DYNLRB2: variants seen among roughly 807,000 people sequenced by gnomAD.
DYNLRB2 encodes bithoraxoid-like protein.
Under a neutral mutation model 12.6 loss-of-function variants are expected in DYNLRB2, and 14 were observed. The ratio of observed to expected loss-of-function variants is 1.11; its 90% CI spans 0.73 to 1.73. The LOEUF is 1.73. DYNLRB2 is among the 40% of genes most tolerant of loss of function. The probability of loss-of-function intolerance (pLI) is 0.00; values close to 1 mark genes in which losing one functional copy is unlikely to be tolerated. For synonymous variants in DYNLRB2, 53 were observed against 37.0 expected (o/e 1.43, Z -1.57); for missense variants, 142 against 117.7 (o/e 1.21, Z -0.95).
chr16:80,542,198 A>G (rs1184608775), intron 1 of DYNLRB2, among the ~76,000 whole-genome samples: 1 of 152,208 alleles, frequency 6.6e-6, no homozygotes, highest in Non-Finnish European at 1.5e-5. Context: ...TTTATGAGGA[A>G]TAACGTCAGG....
intron 1 of DYNLRB2, among the ~76,000 whole-genome samples, chr16:80,542,519 C>G (rs1381516425): frequency 6.6e-6 from 1 of 152,156 alleles, no homozygotes; most frequent in Non-Finnish European, 1.5e-5. Context: ...TTGCAGAATT[C>G]AAAATATCCA....
rs11310998 is a variant in DYNLRB2 at position 80,550,561 on chromosome 16, CT to C, written c.*4del. On this transcript the variant is annotated 3_prime_UTR_variant, in exon 4 of 4. Transcript: ENST00000305904. ...TCATTCAGAATCCATGTGAATAGACCTGCGATGGCCAAGGCTGTTTAAGCGA... is the reference window on the plus strand; with the variant it reads ...TCATTCAGAATCCATGTGAATAGACCGCGATGGCCAAGGCTGTTTAAGCGA... 401 of 1,614,150 alleles carry C rather than the reference CT, an allele frequency of 2.5e-4. No homozygotes were observed. In the African/African-American group the frequency reaches 4.7e-3, roughly 19 times the overall value.
chr16:80,541,042 C>A lies in DYNLRB2; in HGVS notation c.-35C>A, dbSNP rs756663810. On this transcript the variant is annotated 5_prime_UTR_variant, in exon 1 of 4. Coordinates refer to ENST00000305904, the MANE Select transcript of DYNLRB2 (RefSeq NM_130897.3). Reference sequence around the variant, plus strand: ...TTGTTGACATCCCGGGAGGCTGTGCCGCCGGCCTGAGCCCAGAGTTTCGCG... The same window carrying A: ...TTGTTGACATCCCGGGAGGCTGTGCAGCCGGCCTGAGCCCAGAGTTTCGCG... The A allele has an allele frequency of 1.2e-5, 19 of 1,605,080 alleles. No individual in the cohort carries two copies. The Middle Eastern group carries it at 8.3e-4, about 70-fold the overall frequency.
intron 3 of DYNLRB2, among the ~76,000 whole-genome samples, chr16:80,550,059 G>A (rs1371714041): frequency 6.6e-6 from 1 of 152,170 alleles, no homozygotes; most frequent in East Asian, 1.9e-4. Context: ...AGGTCTACCA[G>A]AAGACATCAG....
intron 3 of DYNLRB2, 99 bp downstream of exon 3, chr16:80,549,750 T>C (rs937835380): frequency 2.5e-6 from 3 of 1,206,872 alleles, no homozygotes; most frequent in Non-Finnish European, 2.2e-6. Context: ...TAGTATAGAA[T>C]ATAAAACATA....
At chr16:80,543,224 T>C in intron 1 of DYNLRB2, 52 bp from the exon 2 acceptor site, 3 of 1,572,324 alleles carry the variant, frequency 1.9e-6, no homozygotes, top group Admixed American at 1.7e-5. Context: ...CTCCTTAGGG[T>C]TGAAGTTACC....
Position 80,543,419 on chromosome 16 carries a change from C to A in DYNLRB2, c.79+68C>A. ...CCAGGAACCTGTTTGCCGTGTTAGT[C>A]CTTAAGACAAACATCTTCGAATTTG... On this transcript the variant is annotated intron_variant, in intron 2 of 3. Coordinates refer to ENST00000305904, the MANE Select transcript of DYNLRB2 (RefSeq NM_130897.3). 4 of 1,476,984 alleles carry A rather than the reference C, an allele frequency of 2.7e-6. No individual in the cohort carries two copies. The South Asian group carries it at 3.5e-5, about 13-fold the overall frequency. 91.5% of individuals were successfully genotyped at this position (1,476,984 alleles called of 1,614,324 possible).
chr16:80,549,080 T>C (rs568659020), intron 2 of DYNLRB2: 37 of 449,554 alleles, frequency 8.2e-5, no homozygotes, highest in Non-Finnish European at 1.4e-4. Context: ...TTCTGAAAGA[T>C]TTATGCACAA....
chr16:80,543,864 A>T (rs951241633), intron 2 of DYNLRB2, among the ~76,000 whole-genome samples: 22 of 152,206 alleles, frequency 1.4e-4, no homozygotes, highest in Non-Finnish European at 2.8e-4. Flanking sequence ...CATATTTCCA[A>T]CTATGAAATC....
At chr16:80,547,743 T>G in intron 2 of DYNLRB2, 1 of 455,358 alleles carries the variant, frequency 2.2e-6, no homozygotes, top group South Asian at 1.6e-5. Flanking sequence ...CGTTTCCATT[T>G]TCTGCTTGTT....
At chr16:80,542,635 C>T (rs1419206592) in intron 1 of DYNLRB2, among the ~76,000 whole-genome samples, 2 of 152,156 alleles carry the variant, frequency 1.3e-5, no homozygotes, top group Non-Finnish European at 2.9e-5. Context: ...ACATAAGATT[C>T]CGAATGAGTT....
chr16:80,541,524 A>C lies in DYNLRB2; in HGVS notation c.3+445A>C, dbSNP rs1015847440. 10 of 432,138 alleles carry C rather than the reference A, an allele frequency of 2.3e-5. No homozygotes were observed. In the South Asian group the frequency reaches 2.9e-4, roughly 12 times the overall value. 26.8% of individuals were successfully genotyped at this position (432,138 alleles called of 1,614,324 possible). On this transcript the variant is annotated intron_variant, in intron 1 of 3. Coordinates refer to ENST00000305904, the MANE Select transcript of DYNLRB2 (RefSeq NM_130897.3). ...GTGAGAAGGGAAGATACTGAGAAAG[A>C]AGAAAGGGAAATAAAGAAAAAGGAA...
At position 80,547,797 on chromosome 16, in the gene DYNLRB2, C is replaced by G. The variant is rs1176176839; in HGVS notation, c.80-1687C>G. On this transcript the variant is annotated intron_variant, in intron 2 of 3. Coordinates refer to ENST00000305904, the MANE Select transcript of DYNLRB2 (RefSeq NM_130897.3). ...ACCTTCAAGTATGCAAGACAGCTGACTGCCTTCCAGAGAAAAAGTGGCCAA... is the reference window on the plus strand; with the variant it reads ...ACCTTCAAGTATGCAAGACAGCTGAGTGCCTTCCAGAGAAAAAGTGGCCAA... 4 of 456,678 alleles carry G rather than the reference C, an allele frequency of 8.8e-6. No homozygotes were observed. The East Asian group carries it at 2.1e-4, about 24-fold the overall frequency. The allele number at this position is 456,678 out of a possible 1,614,324, so 28.3% of individuals were successfully genotyped here.
At chr16:80,542,997 C>T (rs1051427578) in intron 1 of DYNLRB2, among the ~76,000 whole-genome samples, 7 of 152,166 alleles carry the variant, frequency 4.6e-5, no homozygotes, top group African/African-American at 1.7e-4. Context: ...TAAATGGAAA[C>T]AGATAAAAAT....
At chr16:80,543,202 C>G (rs1904305053) in intron 1 of DYNLRB2, 74 bp from the exon 2 acceptor site, 1 of 1,465,830 alleles carries the variant, frequency 6.8e-7, no homozygotes, top group South Asian at 1.2e-5. Flanking sequence ...AGGTATCTTG[C>G]TAAACATTAT....
At chr16:80,545,666 C>CTTTT (rs775659372) in intron 2 of DYNLRB2, among the ~76,000 whole-genome samples, 3 of 74,916 alleles carry the variant, frequency 4.0e-5, no homozygotes, top group African/African-American at 1.4e-4. Flanking sequence ...CCATTAGCTT[C>CTTTT]TTTTTTTTTT....
In DYNLRB2 at chr16:80,549,496, G is replaced by C; in HGVS notation, c.92G>C (p.Arg31Pro). 2 of 1,594,982 alleles carry C rather than the reference G, an allele frequency of 1.3e-6. No individual in the cohort carries two copies. The highest frequency in any genetic ancestry group is 1.7e-6 in the Non-Finnish European group (2 of 1,169,062). Residue 31 changes from arginine (R) to proline (P), a missense_variant, in exon 3 of 4, where the codon CGA (arginine) becomes CCA (proline). Transcript: ENST00000305904. ...MVVNAEGIPI[R>P]TTLDNSTTVQ... is the part of the protein sequence containing the mutation. ...AATTTCATAATAGGTATTCCCATCC[G>C]AACAACCTTGGACAACTCAACAACT...
intron 2 of DYNLRB2, among the ~76,000 whole-genome samples, 176 bp downstream of exon 2, chr16:80,543,527 C>G (rs888139762): frequency 6.6e-6 from 1 of 152,224 alleles, no homozygotes; most frequent in Non-Finnish European, 1.5e-5. Context: ...GCCAAACACT[C>G]TGCTAAGATC....
intron 3 of DYNLRB2, among the ~76,000 whole-genome samples, chr16:80,549,975 C>G (rs902453283): frequency 6.6e-6 from 1 of 152,176 alleles, no homozygotes; most frequent in African/African-American, 2.4e-5. Flanking sequence ...GTTCCCTGTC[C>G]TGGGGATAAA....
Sources: gnomAD v4.1 joint callset for allele counts (sites outside exome capture counted in the v4.1 genomes callset) on GRCh38, gnomAD v4.1.1 for gene constraint, MANE v1.5 for transcripts, NCBI Gene and HGNC (gene_info 2026-07-23, HGNC 2026-07-21) for gene names.